The following IDO2 variants were observed in gnomAD, a reference collection of about 807,000 sequenced individuals.
IDO2 encodes indoleamine 2,3-dioxygenase 2.
Under a neutral mutation model 45.1 loss-of-function variants are expected in IDO2, and 46 were observed. The observed-to-expected ratio is 1.02, with a 90% CI of 0.80 to 1.30. IDO2 has a LOEUF of 1.30. IDO2 is among the 50% of genes most tolerant of loss of function. The pLI is 0.00. For missense variants in IDO2, 544 were observed against 491.8 expected (o/e 1.11, Z -1.00); for synonymous variants, 218 against 184.9 (o/e 1.18, Z -1.45).
At chr8:39,964,957 G>A (rs1808063275) in intron 3 of IDO2, among the ~76,000 whole-genome samples, 1 of 152,220 alleles carries the variant, frequency 6.6e-6, no homozygotes, top group Non-Finnish European at 1.5e-5. Flanking sequence ...GAATAGCAGA[G>A]AAGAGAAGCA....
chr8:40,009,075 C>T (rs994058601), intron 9 of IDO2, among the ~76,000 whole-genome samples: 28 of 152,190 alleles, frequency 1.8e-4, no homozygotes, highest in Admixed American at 3.9e-4. Context: ...AGCGCAATGG[C>T]GCAATCTTGG....
intron 2 of IDO2, among the ~76,000 whole-genome samples, chr8:39,957,650 CT>C (rs1202805901): frequency 6.6e-6 from 1 of 152,086 alleles, no homozygotes; most frequent in Non-Finnish European, 1.5e-5. Flanking sequence ...TGATAGTTTG[CT>C]CTTTAAAACT....
At chr8:39,948,886 C>G (rs1330069689) in intron 1 of IDO2, among the ~76,000 whole-genome samples, 1 of 152,200 alleles carries the variant, frequency 6.6e-6, no homozygotes, top group Non-Finnish European at 1.5e-5. Flanking sequence ...GGGGTTAAAA[C>G]TGCTTTTCTC....
intron 5 of IDO2, chr8:39,984,844 T>C (rs528178746): frequency 2.5e-6 from 1 of 395,862 alleles, no homozygotes; most frequent in South Asian, 1.9e-5. Flanking sequence ...AGGCAAATCC[T>C]AAAAGTTGAG....
chr8:39,995,283 T>TTCC (rs1802023918), intron 8 of IDO2: 2 of 138,752 alleles, frequency 1.4e-5, no homozygotes, highest in African/African-American at 6.1e-5. Context: ...CTTCTTCTTC[T>TTCC]TCTTCTTTTT....
intron 8 of IDO2, chr8:39,995,191 T>TTCTCCTTCTCCTTCTCCTTCTC (rs1563438174): frequency 7.4e-5 from 6 of 80,986 alleles, no homozygotes; most frequent in South Asian, 8.6e-4. Flanking sequence ...TTCTTCTTCT[T>TTCTCCTTCTCCTTCTCCTTCTC]CTTCTTCTTC....
chr8:39,987,797 C>A, intron 6 of IDO2, 74 bp from the exon 7 acceptor site: 1 of 838,912 alleles, frequency 1.2e-6, no homozygotes, highest in Non-Finnish European at 2.0e-6. Context: ...TCTAACTCGG[C>A]AGGGAACTCT....
chr8:39,982,580 AG>A (rs2129594505), intron 4 of IDO2, 71 bp from the exon 5 acceptor site: 1 of 1,054,218 alleles, frequency 9.5e-7, no homozygotes, highest in African/African-American at 1.6e-5. Context: ...CCGAAATAAA[AG>A]ACAACCATGG....
At position 39,934,975 on chromosome 8, in the gene IDO2, A is replaced by C. The variant is rs142517427; in HGVS notation, c.-261A>C. ...ATTTCAGTCCAGATGATAGTTAAGAAAGCAGTAAGAATACAGAGAGTCCAC... is the reference window on the plus strand; with the variant it reads ...ATTTCAGTCCAGATGATAGTTAAGACAGCAGTAAGAATACAGAGAGTCCAC... On this transcript the variant is annotated 5_prime_UTR_variant, in exon 1 of 11. Coordinates refer to ENST00000502986, the Ensembl canonical transcript of IDO2. The C allele has an allele frequency of 1.4e-4, 88 of 634,506 alleles. 1 individual carries two copies. The highest frequency in any genetic ancestry group is 5.7e-4 in the Middle Eastern group (2 of 3,484). The allele number at this position is 634,506 out of a possible 1,614,324, so 39.3% of individuals were successfully genotyped here.
At chr8:40,013,736 C>T in intron 10 of IDO2, 23 bp downstream of exon 10, 2 of 1,564,666 alleles carry the variant, frequency 1.3e-6, no homozygotes, top group Non-Finnish European at 1.7e-6. Flanking sequence ...TTTTGTTTTC[C>T]CTTGAGAGTA....
chr8:39,987,933 C>G, exon 7 of IDO2: 1 of 1,611,386 alleles, frequency 6.2e-7, no homozygotes, highest in Non-Finnish European at 8.5e-7. Flanking sequence ...ATACTGGTGA[C>G]TGCTTTGGTA....
chr8:39,944,087 C>CT (rs144078097), intron 1 of IDO2, among the ~76,000 whole-genome samples: 35,006 of 151,842 alleles, frequency 0.23, 4,286 homozygotes, highest in African/African-American at 0.32. Flanking sequence ...GAGCTTCCTG[C>CT]TTTTTTTTAG....
chr8:39,996,778 A>G (rs1802051782), intron 8 of IDO2, among the ~76,000 whole-genome samples: 1 of 152,220 alleles, frequency 6.6e-6, no homozygotes, highest in African/African-American at 2.4e-5. Context: ...AAAAAATCAT[A>G]CTAAATGAAA....
At chr8:39,999,828 G>T (rs1274154120) in intron 8 of IDO2, among the ~76,000 whole-genome samples, 1 of 152,182 alleles carries the variant, frequency 6.6e-6, no homozygotes, top group African/African-American at 2.4e-5. Context: ...GTAAGCTTTA[G>T]AAGTCTTGCC....
At chr8:39,938,970 C>T (rs968898867) in intron 1 of IDO2, among the ~76,000 whole-genome samples, 2 of 152,184 alleles carry the variant, frequency 1.3e-5, no homozygotes, top group Non-Finnish European at 2.9e-5. Context: ...AATCCACACT[C>T]ATGCCGGGCA....
intron 3 of IDO2, among the ~76,000 whole-genome samples, chr8:39,975,538 A>G (rs1452761229): frequency 8.5e-5 from 13 of 152,220 alleles, no homozygotes. Flanking sequence ...AATGCAAGCT[A>G]TCATTAATAG....
chr8:39,938,274 C>T (rs1204951205), intron 1 of IDO2, among the ~76,000 whole-genome samples: 1 of 119,198 alleles, frequency 8.4e-6, no homozygotes, highest in East Asian at 2.5e-4. Context: ...GAGACTCTAT[C>T]TCTACAAAAA....
At chr8:39,990,611 C>A (rs909592300) in intron 8 of IDO2, among the ~76,000 whole-genome samples, 18 of 152,194 alleles carry the variant, frequency 1.2e-4, no homozygotes, top group African/African-American at 4.3e-4. Context: ...ATGCTCATAG[C>A]CAAGGTTAAT....
intron 1 of IDO2, among the ~76,000 whole-genome samples, chr8:39,945,167 G>C (rs570862061): frequency 2.9e-4 from 44 of 152,364 alleles, no homozygotes; most frequent in African/African-American, 1.0e-3. Flanking sequence ...TACAGTCTGG[G>C]AAGCATTGCC....
Sources: allele counts gnomAD v4.1 joint callset (sites outside exome capture counted in the v4.1 genomes callset), GRCh38; gene constraint gnomAD v4.1.1; transcripts MANE v1.5; gene names NCBI Gene and HGNC (gene_info 2026-07-23, HGNC 2026-07-21).